The following DNAJB13 variants were observed in gnomAD, a reference collection of about 807,000 sequenced individuals.
The protein encoded by DNAJB13 is dnaJ homolog subfamily B member 13.
Under a neutral mutation model 35.6 loss-of-function variants are expected in DNAJB13, and 22 were observed. The ratio of observed to expected loss-of-function variants is 0.62; its 90% CI spans 0.44 to 0.88. The LOEUF (loss-of-function observed/expected upper bound fraction) is 0.88. Ranked by LOEUF, DNAJB13 falls within the 40% of genes least tolerant of loss-of-function variation. The pLI is 0.00. For synonymous variants in DNAJB13, 136 were observed against 144.2 expected, an observed-to-expected ratio of 0.94 and a Z score of 0.41; for missense variants, 370 against 384.3, an observed-to-expected ratio of 0.96 and a Z score of 0.31.
intron 3 of DNAJB13, chr11:73,964,519 C>T (rs1951024249): frequency 7.2e-6 from 2 of 275,962 alleles, no homozygotes; most frequent in Non-Finnish European, 1.4e-5. Context: ...GGAGTGCCTC[C>T]CTTTCCTGAG....
chr11:73,960,964 G>C (rs1212731877), intron 3 of DNAJB13, among the ~76,000 whole-genome samples: 1 of 152,152 alleles, frequency 6.6e-6, no homozygotes, highest in Non-Finnish European at 1.5e-5. Flanking sequence ...AAGCAGAAAG[G>C]GGTTCAAAAC....
Position 73,951,243 on chromosome 11 carries a change from C to A in DNAJB13, c.68+106C>A, listed in dbSNP as rs1402066290. ...CACAGCTTAGCGCAGACAAGGTAAA[C>A]CTTGTTCCTCCTTTCACTTCTTGCA... On this transcript the variant is annotated intron_variant, in intron 1 of 7. Coordinates refer to ENST00000339764, the MANE Select transcript of DNAJB13 (RefSeq NM_153614.4). 56 of 1,336,986 alleles carry A rather than the reference C, an allele frequency of 4.2e-5. No homozygotes were observed. In the South Asian group the frequency reaches 6.0e-4, roughly 14 times the overall value. The allele number at this position is 1,336,986 out of a possible 1,614,324, so 82.8% of individuals were successfully genotyped here. A position where few individuals can be genotyped will look rare whatever the true frequency, so the allele number is the denominator to read the frequency against.
rs372722420 is a variant in DNAJB13, at chr11:73,964,940, G to T, written c.397G>T (p.Val133Phe). ...CTTTGGGGGGCTCCAGGGCCGAGGGGTCAAGAAGCAGGACCCCCAAGTCGA... is the reference window on the plus strand; with the variant it reads ...CTTTGGGGGGCTCCAGGGCCGAGGGTTCAAGAAGCAGGACCCCCAAGTCGA... ...LNFGGLQGRG[V>F]KKQDPQVERD... The change falls in exon 4 of 8, where the codon GTC (valine) becomes TTC (phenylalanine). Residue 133 changes from valine (V) to phenylalanine (F), a missense_variant. Physicochemically the swap from Val to Phe is conservative, Grantham distance 50. Coordinates refer to ENST00000339764, the MANE Select transcript of DNAJB13 (RefSeq NM_153614.4). 6.8e-6 allele frequency: 11 copies of T among 1,613,476 alleles called. No homozygotes were observed. The highest frequency in any genetic ancestry group is 9.3e-6 in the Non-Finnish European group (11 of 1,179,896).
At position 73,968,317 on chromosome 11, in the gene DNAJB13, T is replaced by G. The variant is rs771881020; in HGVS notation, c.607-28T>G. The G allele has an allele frequency of 2.5e-6, 4 of 1,604,542 alleles. No homozygotes were observed. The East Asian group carries it at 8.9e-5, about 36-fold the overall frequency. ...CCAAGGTCACACGGCCAACTAGTCC[T>G]TGTCACCTTTTGGCGTCCCCTGCCC... is the stretch of plus-strand genomic sequence containing the variant. On this transcript the variant is annotated intron_variant, in intron 5 of 7. Transcript: ENST00000339764.
At chr11:73,962,700 A>G (rs1950968247) in intron 3 of DNAJB13, among the ~76,000 whole-genome samples, 1 of 152,104 alleles carries the variant, frequency 6.6e-6, no homozygotes, top group Non-Finnish European at 1.5e-5. Context: ...ACTATACTTC[A>G]GCCTTTCTGA....
At chr11:73,966,115 C>CCA in intron 4 of DNAJB13, 23 bp from the exon 5 acceptor site, 1 of 1,602,620 alleles carries the variant, frequency 6.2e-7, no homozygotes, top group Non-Finnish European at 8.5e-7. Context: ...GCAGACCTCC[C>CCA]CACACCTGAT....
At chr11:73,961,847 T>C (rs183115653) in intron 3 of DNAJB13, among the ~76,000 whole-genome samples, 3 of 152,344 alleles carry the variant, frequency 2.0e-5, no homozygotes, top group African/African-American at 4.8e-5. Context: ...TGGAGTGCAG[T>C]GGCACAATCT....
intron 1 of DNAJB13, among the ~76,000 whole-genome samples, chr11:73,952,938 T>C (rs777094586): frequency 4.5e-4 from 68 of 152,300 alleles, no homozygotes; most frequent in Non-Finnish European, 7.3e-4. Context: ...TAAAGAGTGA[T>C]TAAGGCCTGG....
At chr11:73,968,821 G>A (rs958028726) in intron 6 of DNAJB13, among the ~76,000 whole-genome samples, 4 of 151,884 alleles carry the variant, frequency 2.6e-5, no homozygotes, top group East Asian at 1.9e-4. Context: ...CCGCCCCTTC[G>A]CCGCATAGCA....
Position 73,966,231 on chromosome 11 carries a change from T to C in DNAJB13, c.586T>C (p.Phe196Leu), listed in dbSNP as rs1350595011. ...PGWRQGTRIT[F>L]EKEGDQGPNI... ...TTGGAGGCAGGGCACACGCATCACCTTTGAGAAGGAAGGGGACCAGGTGAG... is the reference window on the plus strand; with the variant it reads ...TTGGAGGCAGGGCACACGCATCACCCTTGAGAAGGAAGGGGACCAGGTGAG... The change falls in exon 5 of 8, where the codon TTT (phenylalanine) becomes CTT (leucine). Residue 196 changes from phenylalanine to leucine, a missense_variant. Coordinates refer to ENST00000339764, the MANE Select transcript of DNAJB13 (RefSeq NM_153614.4). The C allele has an allele frequency of 6.2e-7, 1 of 1,613,008 alleles. No individual in the cohort carries two copies. The highest frequency in any genetic ancestry group is 8.5e-7 in the Non-Finnish European group (1 of 1,179,732).
chr11:73,969,160 C>T, intron 6 of DNAJB13, 86 bp from the exon 7 acceptor site: 1 of 673,382 alleles, frequency 1.5e-6, no homozygotes, highest in Non-Finnish European at 2.6e-6. Flanking sequence ...CACAGTCTGG[C>T]ACTGGACAGG....
At chr11:73,960,169 C>T (rs1950889240) in intron 3 of DNAJB13, among the ~76,000 whole-genome samples, 1 of 151,882 alleles carries the variant, frequency 6.6e-6, no homozygotes, top group African/African-American at 2.4e-5. Flanking sequence ...TTTTCTTTTT[C>T]TTTCTTTCTT....
Position 73,970,006 on chromosome 11 carries a change from G to T in DNAJB13, c.843G>T (p.Pro281=), listed in dbSNP as rs199708737. 7.8e-5 allele frequency: 126 copies of T among 1,611,324 alleles called. 1 individual carries two copies. The Middle Eastern group carries it at 4.3e-3, about 55-fold the overall frequency. ...KKVPGEGMPL[P]EDPTKKGDLF... ...TGCCAGGGGAGGGGATGCCATTGCC[G>T]GAGGACCCCACTAAGAAAGGGGATC... The change falls in exon 8 of 8, where the codon CCG becomes CCT. Residue 281 remains proline, a synonymous_variant. Transcript: ENST00000339764.
intron 1 of DNAJB13, among the ~76,000 whole-genome samples, chr11:73,954,043 G>A (rs912080201): frequency 7.1e-6 from 1 of 140,054 alleles, no homozygotes; most frequent in Non-Finnish European, 1.5e-5. Flanking sequence ...TAATAATAAT[G>A]GCTGGACACA....
chr11:73,956,784 CAA>C (rs1258373791), intron 1 of DNAJB13, among the ~76,000 whole-genome samples: 8 of 105,290 alleles, frequency 7.6e-5, no homozygotes, highest in Admixed American at 5.0e-4. Flanking sequence ...GCTTGGGCAA[CAA>C]GAGAGAAACT....
chr11:73,967,338 A>T (rs561770516), intron 5 of DNAJB13, among the ~76,000 whole-genome samples: 1 of 152,224 alleles, frequency 6.6e-6, no homozygotes, highest in African/African-American at 2.4e-5. Flanking sequence ...AAATAAAAAC[A>T]TAAATTTATT....
At chr11:73,956,094 CA>C (rs35925612) in intron 1 of DNAJB13, among the ~76,000 whole-genome samples, 11,997 of 152,254 alleles carry the variant, frequency 0.079, 589 homozygotes, top group African/African-American at 0.13. Context: ...GCTCAGTGCC[CA>C]GCACTGGGGC....
intron 1 of DNAJB13, among the ~76,000 whole-genome samples, chr11:73,954,170 CA>C (rs1950667382): frequency 1.3e-5 from 2 of 149,670 alleles, no homozygotes; most frequent in Admixed American, 6.7e-5. Context: ...ATTAAAAATA[CA>C]AAAAATTAGC....
At chr11:73,958,528 C>A (rs1950826680) in intron 2 of DNAJB13, 108 bp downstream of exon 2, 1 of 1,020,658 alleles carries the variant, frequency 9.8e-7, no homozygotes, top group Non-Finnish European at 1.5e-6. Flanking sequence ...ATCCTTCTTC[C>A]CTGCCTAGAA....
Sources: gnomAD v4.1 joint callset for allele counts (sites outside exome capture counted in the v4.1 genomes callset) on GRCh38, gnomAD v4.1.1 for gene constraint, MANE v1.5 for transcripts, NCBI Gene and HGNC (gene_info 2026-07-23, HGNC 2026-07-21) for gene names.